WDR64: variants seen among roughly 807,000 people sequenced by gnomAD.
WDR64 encodes the protein WD repeat-containing protein 64.
Under a neutral mutation model 139.3 loss-of-function variants are expected in WDR64, and 112 were observed. The observed-to-expected ratio is 0.80, with a 90% CI of 0.69 to 0.94. The LOEUF (loss-of-function observed/expected upper bound fraction) is 0.94, where lower values mean the gene tolerates loss of function less well. Among genes scored for constraint, WDR64 ranks in the 40% least tolerant of loss-of-function variants. The probability of loss-of-function intolerance (pLI) is 0.00; values close to 1 mark genes in which losing one functional copy is unlikely to be tolerated. For synonymous variants in WDR64, 444 were observed against 437.7 expected, an observed-to-expected ratio of 1.01 and a Z score of -0.18; for missense variants, 1,206 against 1,293.1, an observed-to-expected ratio of 0.93 and a Z score of 1.03.
At chr1:241,745,097 G>T (rs1388873689) in intron 13 of WDR64, among the ~76,000 whole-genome samples, 1 of 152,174 alleles carries the variant, frequency 6.6e-6, no homozygotes, top group Non-Finnish European at 1.5e-5. Context: ...AGGAACTGAA[G>T]AGCTACAGAC....
intron 10 of WDR64, among the ~76,000 whole-genome samples, chr1:241,724,527 A>G (rs763286569): frequency 4.6e-5 from 7 of 152,234 alleles, no homozygotes; most frequent in East Asian, 1.9e-4. Context: ...GGTTTGTTCA[A>G]TAAGTGTTGG....
At chr1:241,790,411 A>G (rs938316130) in intron 24 of WDR64, among the ~76,000 whole-genome samples, 180 bp from the exon 25 acceptor site, 2 of 152,164 alleles carry the variant, frequency 1.3e-5, no homozygotes, top group African/African-American at 4.8e-5. Context: ...TGTGGTTTCT[A>G]TAGAGGAATA....
chr1:241,787,134 C>T (rs1205857062), intron 23 of WDR64, among the ~76,000 whole-genome samples: 2 of 150,862 alleles, frequency 1.3e-5, no homozygotes, highest in African/African-American at 4.9e-5. Flanking sequence ...GCGGGTGGAT[C>T]ACGAGGTCAG....
At chr1:241,698,161 A>C (rs1667570156) in intron 8 of WDR64, among the ~76,000 whole-genome samples, 1 of 152,138 alleles carries the variant, frequency 6.6e-6, no homozygotes, top group African/African-American at 2.4e-5. Context: ...TCTGAGCTTA[A>C]CTTCCCCCAC....
intron 25 of WDR64, among the ~76,000 whole-genome samples, chr1:241,792,314 A>G (rs772405689): frequency 2.2e-4 from 34 of 152,176 alleles, no homozygotes; most frequent in Non-Finnish European, 4.1e-4. Context: ...AGGTGGGCAG[A>G]TCACGAGGTC....
intron 27 of WDR64, among the ~76,000 whole-genome samples, chr1:241,798,320 C>G (rs1202700909): frequency 2.0e-5 from 3 of 152,150 alleles, no homozygotes; most frequent in Non-Finnish European, 4.4e-5. Flanking sequence ...ACATAAAACT[C>G]TCTTCTGGTT....
chr1:241,800,195 C>T (rs1659481074), intron 27 of WDR64, among the ~76,000 whole-genome samples: 1 of 152,162 alleles, frequency 6.6e-6, no homozygotes, highest in African/African-American at 2.4e-5. Context: ...AGCTAAGCCT[C>T]CTACCTTGTC....
chr1:241,699,419 T>C (rs960822651), intron 8 of WDR64, among the ~76,000 whole-genome samples: 3 of 152,146 alleles, frequency 2.0e-5, no homozygotes, highest in African/African-American at 7.2e-5. Context: ...CTGTACTAGG[T>C]GCTAGGAATT....
chr1:241,740,949 C>A (rs1403223244), intron 11 of WDR64, among the ~76,000 whole-genome samples: 1 of 152,210 alleles, frequency 6.6e-6, no homozygotes, highest in Non-Finnish European at 1.5e-5. Flanking sequence ...TCATCTACTT[C>A]TACTTTACAG....
At chr1:241,766,886 C>T (rs1159563694) in intron 16 of WDR64, among the ~76,000 whole-genome samples, 2 of 152,176 alleles carry the variant, frequency 1.3e-5, no homozygotes, top group African/African-American at 4.8e-5. Flanking sequence ...TTGATCTTTA[C>T]TATTCTCAAC....
chr1:241,760,616 A>G lies in WDR64; in HGVS notation c.1947+3157A>G, dbSNP rs1173034868. Among the ~76,000 whole-genome samples, 3 of 150,700 alleles carry G rather than the reference A, an allele frequency of 2.0e-5. No individual in the cohort carries two copies. In the East Asian group the frequency reaches 5.8e-4, roughly 29 times the overall value. The stretch of plus-strand genomic sequence containing the variant: ...AGAACAACTTAGATAGAAAATTGAC[A>G]AAAGATATGAAGAAATAGTCCAAGC... On this transcript the variant is annotated intron_variant, in intron 15 of 27. Coordinates refer to ENST00000437684, the MANE Select transcript of WDR64 (RefSeq NM_001367482.1).
At chr1:241,734,805 A>G (rs2148227106) in intron 10 of WDR64, among the ~76,000 whole-genome samples, 1 of 152,262 alleles carries the variant, frequency 6.6e-6, no homozygotes, top group East Asian at 1.9e-4. Flanking sequence ...TCAACGATGG[A>G]CTGCATATAT....
intron 15 of WDR64, among the ~76,000 whole-genome samples, chr1:241,763,045 C>T (rs948733524): frequency 1.3e-5 from 2 of 151,976 alleles, no homozygotes; most frequent in African/African-American, 2.4e-5. Context: ...AATGCATGTC[C>T]TCGTAGACCA....
At chr1:241,793,620 G>A (rs1659271214) in intron 25 of WDR64, among the ~76,000 whole-genome samples, 1 of 152,176 alleles carries the variant, frequency 6.6e-6, no homozygotes, top group Non-Finnish European at 1.5e-5. Context: ...ATGGAGCTCA[G>A]GTACCTTCTT....
intron 8 of WDR64, among the ~76,000 whole-genome samples, chr1:241,710,623 T>G (rs1206196257): frequency 6.6e-6 from 1 of 151,894 alleles, no homozygotes; most frequent in Non-Finnish European, 1.5e-5. Flanking sequence ...GGGGCTGGGG[T>G]CTGGGAGACA....
At position 241,717,255 on chromosome 1, in the gene WDR64, T is replaced by G. The variant is rs541081099; in HGVS notation, c.1054+5374T>G. On this transcript the variant is annotated intron_variant, in intron 9 of 27. Transcript: ENST00000437684. ...GCCCTCTGCTTTCACTGTAGTGATG[T>G]CTCCCTCCGGAGCACATAATCATGA... Among the ~76,000 whole-genome samples, 4 of 152,306 alleles carry G rather than the reference T, an allele frequency of 2.6e-5. No homozygotes were observed. In the South Asian group the frequency reaches 6.2e-4, roughly 24 times the overall value.
chr1:241,711,755 T>C, intron 8 of WDR64, 47 bp from the exon 9 acceptor site: 2 of 1,587,328 alleles, frequency 1.3e-6, no homozygotes, highest in Non-Finnish European at 1.7e-6. Flanking sequence ...AGAATTAACT[T>C]GATAAAGAAA....
rs532160450 is a variant in WDR64, at chr1:241,695,050, A to C, written c.974+7455A>C. Reference sequence around the variant, plus strand: ...GAGAGTTGATTGTTAAAATTTCAGGAATTAGGCAAGCCTGTTGTTAAACAT... The same window carrying C: ...GAGAGTTGATTGTTAAAATTTCAGGCATTAGGCAAGCCTGTTGTTAAACAT... On this transcript the variant is annotated intron_variant, in intron 8 of 27. Coordinates refer to ENST00000437684, the MANE Select transcript of WDR64 (RefSeq NM_001367482.1). 2.0e-5 allele frequency among the ~76,000 whole-genome samples: 3 copies of C among 152,310 alleles called. No homozygotes were observed. The East Asian group carries it at 5.8e-4, about 29-fold the overall frequency.
At chr1:241,747,290 G>T (rs1424726518) in intron 13 of WDR64, among the ~76,000 whole-genome samples, 1 of 152,150 alleles carries the variant, frequency 6.6e-6, no homozygotes, top group African/African-American at 2.4e-5. Context: ...ACACACGAGT[G>T]CACGTAAAAA....
Sources: gnomAD v4.1 joint callset for allele counts (sites outside exome capture counted in the v4.1 genomes callset) on GRCh38, gnomAD v4.1.1 for gene constraint, MANE v1.5 for transcripts, NCBI Gene and HGNC (gene_info 2026-07-23, HGNC 2026-07-21) for gene names.